UBR3: variants seen among roughly 807,000 people sequenced by gnomAD.
UBR3 encodes ubiquitin protein ligase E3 component n-recognin 3.
Under a neutral mutation model 243.2 loss-of-function variants are expected in UBR3, and 85 were observed. That is an observed-to-expected ratio of 0.35 (90% CI 0.29 to 0.42). The LOEUF (loss-of-function observed/expected upper bound fraction) is 0.42, where lower values mean the gene tolerates loss of function less well. UBR3 is among the 10% of genes least tolerant of loss of function. The pLI is 1.00. For synonymous variants in UBR3, 748 were observed against 799.8 expected (o/e 0.94, Z 1.09); for missense variants, 1,686 against 2,300.8 (o/e 0.73, Z 5.47).
At chr2:169,983,209 T>C (rs1574336853) in intron 24 of UBR3, among the ~76,000 whole-genome samples, 1 of 150,944 alleles carries the variant, frequency 6.6e-6, no homozygotes, top group Non-Finnish European at 1.5e-5. Flanking sequence ...ACCTGAGGCC[T>C]AGTTTTGGAA....
intron 24 of UBR3, among the ~76,000 whole-genome samples, chr2:169,962,407 A>G (rs1055316943): frequency 6.6e-6 from 1 of 152,124 alleles, no homozygotes; most frequent in Non-Finnish European, 1.5e-5. Context: ...CAGGTTTGAC[A>G]GCAATTTCAG....
chr2:169,871,955 A>C (rs1574089334), intron 1 of UBR3, among the ~76,000 whole-genome samples: 3 of 152,014 alleles, frequency 2.0e-5, no homozygotes, highest in African/African-American at 7.2e-5. Context: ...GAAAGTAATA[A>C]ATTTCAGTTA....
chr2:170,014,029 C>T (rs1280450507), intron 29 of UBR3: 1 of 440,914 alleles, frequency 2.3e-6, no homozygotes, highest in Non-Finnish European at 4.7e-6. Context: ...GGAAAATTCC[C>T]TTGTCACACA....
intron 37 of UBR3, 89 bp downstream of exon 37, chr2:170,080,112 CTT>C: frequency 8.4e-7 from 1 of 1,186,052 alleles, no homozygotes; most frequent in Non-Finnish European, 1.2e-6. Flanking sequence ...ATTAACTACT[CTT>C]TGAATTAAGT....
At chr2:169,938,453 G>T (rs1574244095) in intron 19 of UBR3, among the ~76,000 whole-genome samples, 1 of 151,546 alleles carries the variant, frequency 6.6e-6, no homozygotes, top group Admixed American at 6.6e-5. Context: ...TAGAGATGGG[G>T]TCTCTACATG....
intron 24 of UBR3, among the ~76,000 whole-genome samples, chr2:169,977,534 A>C (rs1267835521): frequency 1.3e-5 from 2 of 152,160 alleles, no homozygotes; most frequent in African/African-American, 4.8e-5. Context: ...CCCAAAGCCC[A>C]AAGGCCAAAG....
intron 1 of UBR3, among the ~76,000 whole-genome samples, chr2:169,848,709 T>A (rs1574038483): frequency 2.9e-5 from 1 of 33,968 alleles, no homozygotes; most frequent in Admixed American, 3.2e-4. Flanking sequence ...AGTTTTTTAA[T>A]TTTTTTTTTT....
rs1302537152 is a variant in UBR3 at position 170,057,304 on chromosome 2, G to C, written c.4785+1720G>C. On this transcript the variant is annotated intron_variant, in intron 33 of 38. Coordinates refer to ENST00000272793, the MANE Select transcript of UBR3 (RefSeq NM_172070.4). ...GCTGATTTTTTGTATTTTTAGTAGAGCTGGGTTTTTACCATGTTGCCCAGG... is the reference window on the plus strand; with the variant it reads ...GCTGATTTTTTGTATTTTTAGTAGACCTGGGTTTTTACCATGTTGCCCAGG... Among the ~76,000 whole-genome samples, 10 of 152,080 alleles carry C rather than the reference G, an allele frequency of 6.6e-5. No individual in the cohort carries two copies. The South Asian group carries it at 2.1e-3, about 32-fold the overall frequency.
chr2:169,918,711 A>G (rs1188579709), intron 11 of UBR3, among the ~76,000 whole-genome samples: 2 of 152,186 alleles, frequency 1.3e-5, no homozygotes, highest in Admixed American at 1.3e-4. Flanking sequence ...TAGGCCATTT[A>G]AGAGTTCTTA....
Position 169,845,021 on chromosome 2 carries a change from C to G in UBR3, c.545+16969C>G, listed in dbSNP as rs79132107. Reference sequence around the variant, plus strand: ...AATGCAATAAATTTCCCTCTAAGCACAGTGTACAGGCATCCCACATTTTTG... The same window carrying G: ...AATGCAATAAATTTCCCTCTAAGCAGAGTGTACAGGCATCCCACATTTTTG... On this transcript the variant is annotated intron_variant, in intron 1 of 38. Coordinates refer to ENST00000272793, the MANE Select transcript of UBR3 (RefSeq NM_172070.4). Among the ~76,000 whole-genome samples the G allele has an allele frequency of 2.8e-3, 431 of 152,266 alleles. 4 individuals are homozygous for G. The highest frequency in any genetic ancestry group is 0.01 in the African/African-American group (420 of 41,550).
At chr2:169,941,706 G>C (rs2086595684) in intron 19 of UBR3, among the ~76,000 whole-genome samples, 1 of 152,178 alleles carries the variant, frequency 6.6e-6, no homozygotes, top group Non-Finnish European at 1.5e-5. Context: ...GGAAAACATA[G>C]TATGTAGAGA....
At chr2:169,919,704 A>G (rs2085614113) in intron 11 of UBR3, among the ~76,000 whole-genome samples, 1 of 152,236 alleles carries the variant, frequency 6.6e-6, no homozygotes, top group African/African-American at 2.4e-5. Context: ...AAGACACATG[A>G]AAAAATGCTC....
At position 169,916,862 on chromosome 2, in the gene UBR3, C is replaced by T. The variant is rs985197071; in HGVS notation, c.1866+2716C>T. On this transcript the variant is annotated intron_variant, in intron 11 of 38. Coordinates refer to ENST00000272793, the MANE Select transcript of UBR3 (RefSeq NM_172070.4). ...TGATGCCCTATGCTAGGCCACACCC[C>T]CTATGCCTGAGCAACCCCCAACATC... 3.3e-5 allele frequency among the ~76,000 whole-genome samples: 5 copies of T among 152,036 alleles called. No homozygotes were observed. In the South Asian group the frequency reaches 6.2e-4, roughly 19 times the overall value.
intron 24 of UBR3, among the ~76,000 whole-genome samples, chr2:169,974,929 C>A (rs1039825622): frequency 6.6e-6 from 1 of 152,156 alleles, no homozygotes; most frequent in Non-Finnish European, 1.5e-5. Context: ...TGCCTGTGAT[C>A]CCAGCACTTT....
At chr2:169,886,090 G>C (rs1430617712) in intron 5 of UBR3, among the ~76,000 whole-genome samples, 2 of 151,248 alleles carry the variant, frequency 1.3e-5, no homozygotes, top group East Asian at 3.9e-4. Context: ...CCGGGAGGTG[G>C]AGGTTGAAGT....
chr2:169,876,337 T>A (rs549306954), intron 3 of UBR3, among the ~76,000 whole-genome samples: 1 of 152,190 alleles, frequency 6.6e-6, no homozygotes, highest in Non-Finnish European at 1.5e-5. Flanking sequence ...GCCTTGGCCT[T>A]CCGAAGTGCT....
At chr2:169,936,356 G>C (rs1314084119) in intron 19 of UBR3, among the ~76,000 whole-genome samples, 1 of 152,062 alleles carries the variant, frequency 6.6e-6, no homozygotes, top group African/African-American at 2.4e-5. Flanking sequence ...ACCGTGCCTG[G>C]CCCAGAAACC....
At chr2:170,037,461 C>T (rs2090862773) in intron 31 of UBR3, among the ~76,000 whole-genome samples, 2 of 152,024 alleles carry the variant, frequency 1.3e-5, no homozygotes, top group South Asian at 4.2e-4. Context: ...GATCTTGGCT[C>T]ACTGCAACCT....
chr2:169,951,522 T>G (rs1422569506), intron 23 of UBR3, among the ~76,000 whole-genome samples: 1 of 152,168 alleles, frequency 6.6e-6, no homozygotes, highest in Non-Finnish European at 1.5e-5. Context: ...AGTGTTAACA[T>G]AGTGTAACAG....
Sources: gnomAD v4.1 joint callset for allele counts (sites outside exome capture counted in the v4.1 genomes callset) on GRCh38, gnomAD v4.1.1 for gene constraint, MANE v1.5 for transcripts, NCBI Gene and HGNC (gene_info 2026-07-23, HGNC 2026-07-21) for gene names.